The following CDKAL1 variants were observed in gnomAD, a reference collection of about 807,000 sequenced individuals.
The protein encoded by CDKAL1 is CDKAL1 threonylcarbamoyladenosine tRNA methylthiotransferase, also known as threonylcarbamoyladenosine tRNA methylthiotransferase.
Under a neutral mutation model 68.2 loss-of-function variants are expected in CDKAL1, and 32 were observed. That is an observed-to-expected ratio of 0.47 (90% CI 0.35 to 0.63). CDKAL1 has a LOEUF of 0.63. Ranked by LOEUF, CDKAL1 falls within the 30% of genes least tolerant of loss-of-function variation. CDKAL1 has a pLI of 0.00. For synonymous variants in CDKAL1, 234 were observed against 244.3 expected (o/e 0.96, Z 0.39); for missense variants, 606 against 696.7 (o/e 0.87, Z 1.47).
chr6:20,616,893 A>T (rs908397452), intron 4 of CDKAL1, among the ~76,000 whole-genome samples: 1 of 143,936 alleles, frequency 6.9e-6, no homozygotes, highest in Non-Finnish European at 1.5e-5. Context: ...TACAAAAATT[A>T]GCTGGACATG....
At chr6:20,581,105 T>C (rs1765127650) in intron 4 of CDKAL1, among the ~76,000 whole-genome samples, 1 of 152,212 alleles carries the variant, frequency 6.6e-6, no homozygotes, top group South Asian at 2.1e-4. Flanking sequence ...AAATACATTA[T>C]TAATTTTTCC....
chr6:21,090,781 T>C (rs1772964479), intron 12 of CDKAL1, among the ~76,000 whole-genome samples: 1 of 150,804 alleles, frequency 6.6e-6, no homozygotes, highest in Admixed American at 6.7e-5. Flanking sequence ...TATTTGTAAG[T>C]ATACTAACAA....
intron 9 of CDKAL1, among the ~76,000 whole-genome samples, chr6:20,874,293 T>G (rs1230393217): frequency 2.4e-5 from 3 of 123,066 alleles, no homozygotes; most frequent in African/African-American, 6.4e-5. Context: ...TAGCAAGTTT[T>G]TTTGTTTGTT....
intron 11 of CDKAL1, among the ~76,000 whole-genome samples, chr6:21,030,457 C>T (rs1310627088): frequency 6.6e-6 from 1 of 152,122 alleles, no homozygotes; most frequent in East Asian, 1.9e-4. Context: ...AACAAACCTA[C>T]ACGTTCTGCA....
At chr6:21,212,939 C>G (rs9358399) in intron 15 of CDKAL1, among the ~76,000 whole-genome samples, 21,781 of 152,108 alleles carry the variant, frequency 0.14, 1,634 homozygotes, top group East Asian at 0.22. Flanking sequence ...AGATGTAGCA[C>G]CTTGCAAATT....
At chr6:21,018,066 G>T (rs1217497551) in intron 11 of CDKAL1, among the ~76,000 whole-genome samples, 1 of 152,168 alleles carries the variant, frequency 6.6e-6, no homozygotes, top group Non-Finnish European at 1.5e-5. Flanking sequence ...GCCAGCAGGG[G>T]TCAATCAGGA....
intron 9 of CDKAL1, among the ~76,000 whole-genome samples, chr6:20,944,591 C>A (rs141768955): frequency 6.6e-6 from 1 of 152,174 alleles, no homozygotes; most frequent in Non-Finnish European, 1.5e-5. Context: ...GTGATCCACC[C>A]GCCACAGCCT....
chr6:20,613,249 CTT>C (rs71559677), intron 4 of CDKAL1, among the ~76,000 whole-genome samples: 2 of 77,854 alleles, frequency 2.6e-5, no homozygotes, highest in African/African-American at 5.2e-5. Context: ...AAATTTCTTT[CTT>C]TTTTTTTTTT....
intron 4 of CDKAL1, among the ~76,000 whole-genome samples, chr6:20,630,565 A>G (rs1222208457): frequency 6.6e-6 from 1 of 152,142 alleles, no homozygotes; most frequent in African/African-American, 2.4e-5. Context: ...TGAAATGTAA[A>G]ATTATTTTCT....
chr6:21,135,012 A>G (rs977827622), intron 13 of CDKAL1, among the ~76,000 whole-genome samples: 8 of 152,266 alleles, frequency 5.3e-5, no homozygotes, highest in Admixed American at 6.5e-5. Flanking sequence ...AAACCAAACT[A>G]TAAAGCAGGA....
chr6:21,175,129 A>G (rs1305014472), intron 13 of CDKAL1, among the ~76,000 whole-genome samples: 2 of 152,222 alleles, frequency 1.3e-5, no homozygotes, highest in Non-Finnish European at 1.5e-5. Context: ...AATAGAGTCA[A>G]GAATCCCATT....
intron 10 of CDKAL1, among the ~76,000 whole-genome samples, chr6:20,957,735 C>T (rs1228428823): frequency 6.6e-6 from 1 of 152,062 alleles, no homozygotes; most frequent in African/African-American, 2.4e-5. Context: ...CTTTGGGAGG[C>T]CGAGGCAGGT....
intron 11 of CDKAL1, among the ~76,000 whole-genome samples, chr6:21,002,018 G>A (rs188068660): frequency 3.3e-5 from 5 of 152,276 alleles, no homozygotes; most frequent in African/African-American, 7.2e-5. Flanking sequence ...TTATTTGGTT[G>A]AGGGCTGACT....
At chr6:20,802,291 C>T (rs958938283) in intron 8 of CDKAL1, among the ~76,000 whole-genome samples, 6 of 140,378 alleles carry the variant, frequency 4.3e-5, no homozygotes, top group African/African-American at 8.2e-5. Flanking sequence ...AGCAAGACTC[C>T]GTCTCAAAAA....
At chr6:20,760,585 C>T (rs1774419229) in intron 7 of CDKAL1, among the ~76,000 whole-genome samples, 1 of 152,170 alleles carries the variant, frequency 6.6e-6, no homozygotes, top group Admixed American at 6.5e-5. Flanking sequence ...GGATTTGAAT[C>T]CAGGCAGTCT....
chr6:21,017,251 T>TA (rs1768395059), intron 11 of CDKAL1, among the ~76,000 whole-genome samples: 1 of 151,070 alleles, frequency 6.6e-6, no homozygotes, highest in African/African-American at 2.5e-5. Flanking sequence ...ACAAACCCAT[T>TA]AAATCTTTGT....
intron 13 of CDKAL1, among the ~76,000 whole-genome samples, chr6:21,166,637 T>G (rs1057513097): frequency 6.6e-6 from 1 of 152,122 alleles, no homozygotes; most frequent in Admixed American, 6.5e-5. Context: ...TTAAAAAAAC[T>G]TCAGTGGACA....
chr6:20,895,487 G>C (rs991519305), intron 9 of CDKAL1, among the ~76,000 whole-genome samples: 4 of 152,094 alleles, frequency 2.6e-5, no homozygotes, highest in African/African-American at 9.7e-5. Flanking sequence ...CGCTTGCTCA[G>C]CTATTCATTT....
chr6:21,093,732 T>G (rs1773174588), intron 12 of CDKAL1, among the ~76,000 whole-genome samples: 1 of 79,412 alleles, frequency 1.3e-5, no homozygotes. Flanking sequence ...TTTTTTTTTT[T>G]TTGGAGACAG....
Sources: gnomAD v4.1 joint callset for allele counts (sites outside exome capture counted in the v4.1 genomes callset) on GRCh38, gnomAD v4.1.1 for gene constraint, MANE v1.5 for transcripts, NCBI Gene and HGNC (gene_info 2026-07-23, HGNC 2026-07-21) for gene names.